Variants in TNRC6A observed in about 807,000 individuals in gnomAD.
TNRC6A encodes the protein trinucleotide repeat containing adaptor 6A, also known as trinucleotide repeat-containing gene 6A protein.
In TNRC6A, 44 loss-of-function variants were observed where a neutral mutation model predicts 221.2. The ratio of observed to expected loss-of-function variants is 0.20; its 90% CI spans 0.16 to 0.26. The LOEUF is 0.26. Among genes scored for constraint, TNRC6A ranks in the 10% least tolerant of loss-of-function variants. The pLI, the probability that TNRC6A is intolerant of heterozygous loss-of-function variation, is 1.00. For missense variants in TNRC6A, 2,199 were observed against 2,404.4 expected (o/e 0.91, Z 1.79); for synonymous variants, 847 against 838.5 (o/e 1.01, Z -0.18).
At chr16:24,626,961 T>G (rs1249984510) in intron 1 of TNRC6A, among the ~76,000 whole-genome samples, 1 of 151,762 alleles carries the variant, frequency 6.6e-6, no homozygotes, top group Non-Finnish European at 1.5e-5. Flanking sequence ...CTGTTTTTTT[T>G]TTTTTTTTTT....
At chr16:24,703,358 C>T (rs7185291) in intron 2 of TNRC6A, among the ~76,000 whole-genome samples, 103,638 of 152,002 alleles carry the variant, frequency 0.68, 35,790 homozygotes, top group East Asian at 0.89. Flanking sequence ...GCCAACCATG[C>T]CATAGCATGT....
At chr16:24,820,035 G>A in intron 21 of TNRC6A, 104 bp from the exon 22 acceptor site, 1 of 1,102,382 alleles carries the variant, frequency 9.1e-7, no homozygotes, top group East Asian at 2.4e-5. Context: ...AGTTTCTTTT[G>A]TTTGTTAGAT....
At chr16:24,668,186 G>A (rs549249909) in intron 2 of TNRC6A, among the ~76,000 whole-genome samples, 135 of 152,058 alleles carry the variant, frequency 8.9e-4, no homozygotes, top group African/African-American at 3.2e-3. Context: ...AAATTAGCCA[G>A]GCGTGGTGGC....
intron 2 of TNRC6A, among the ~76,000 whole-genome samples, chr16:24,737,151 A>C (rs1033649414): frequency 7.9e-5 from 12 of 152,182 alleles, no homozygotes; most frequent in African/African-American, 2.7e-4. Flanking sequence ...TGCCAAAATA[A>C]AATAATAAAA....
intron 4 of TNRC6A, among the ~76,000 whole-genome samples, chr16:24,771,757 G>A (rs1339922775): frequency 6.6e-6 from 1 of 152,014 alleles, no homozygotes; most frequent in Non-Finnish European, 1.5e-5. Flanking sequence ...TTCCTGGTGT[G>A]TTTTGGAGGG....
chr16:24,663,473 G>T (rs117302671), intron 2 of TNRC6A: 6,565 of 156,188 alleles, frequency 0.042, 313 homozygotes, highest in East Asian at 0.14. Context: ...GAAGAATCAC[G>T]TGAACCTGGG....
intron 2 of TNRC6A, among the ~76,000 whole-genome samples, chr16:24,675,535 G>T (rs902041556): frequency 9.9e-5 from 15 of 151,364 alleles, no homozygotes; most frequent in Admixed American, 3.3e-4. Flanking sequence ...CAAAAAATTA[G>T]CTGGGCATGG....
At chr16:24,736,425 C>T (rs955130769) in intron 2 of TNRC6A, among the ~76,000 whole-genome samples, 2 of 152,208 alleles carry the variant, frequency 1.3e-5, no homozygotes, top group South Asian at 4.1e-4. Flanking sequence ...CCAATTTTCT[C>T]AAAATTTTTT....
At chr16:24,768,536 T>A (rs540095944) in intron 4 of TNRC6A, among the ~76,000 whole-genome samples, 2 of 152,266 alleles carry the variant, frequency 1.3e-5, no homozygotes, top group African/African-American at 4.8e-5. Context: ...TGAAGAGCTG[T>A]CATTGGTACA....
intron 5 of TNRC6A, among the ~76,000 whole-genome samples, chr16:24,786,293 G>T (rs1242093445): frequency 2.0e-5 from 3 of 149,032 alleles, no homozygotes; most frequent in South Asian, 2.1e-4. Flanking sequence ...GTCCTTTTTT[G>T]TTTTTTTTTG....
intron 2 of TNRC6A, among the ~76,000 whole-genome samples, chr16:24,717,401 C>T (rs1462119296): frequency 1.3e-5 from 2 of 152,158 alleles, no homozygotes; most frequent in Non-Finnish European, 2.9e-5. Context: ...CAAAGGAGGA[C>T]AGCCTCTAAG....
chr16:24,797,365 A>T, intron 9 of TNRC6A, 125 bp from the exon 10 acceptor site: 1 of 639,260 alleles, frequency 1.6e-6, no homozygotes, highest in Non-Finnish European at 2.6e-6. Context: ...ATAAGAGTTG[A>T]TTGGAGGAGA....
intron 2 of TNRC6A, among the ~76,000 whole-genome samples, chr16:24,748,715 C>T: frequency 6.6e-6 from 1 of 152,092 alleles, no homozygotes; most frequent in East Asian, 1.9e-4. Context: ...AATCTCATTG[C>T]AGCGCACCTA....
chr16:24,623,926 A>T (rs1900819647), intron 1 of TNRC6A, among the ~76,000 whole-genome samples: 1 of 150,550 alleles, frequency 6.6e-6, no homozygotes, highest in African/African-American at 2.5e-5. Context: ...AAAAAAAAAA[A>T]AAAAGAATTT....
chr16:24,818,455 G>A (rs560407038), intron 20 of TNRC6A, 138 bp from the exon 21 acceptor site: 18 of 673,190 alleles, frequency 2.7e-5, no homozygotes, highest in South Asian at 2.1e-4. Flanking sequence ...AAGATGTCTC[G>A]GGCACCATCT....
intron 2 of TNRC6A, among the ~76,000 whole-genome samples, chr16:24,689,804 G>T (rs2055715068): frequency 2.6e-5 from 4 of 151,990 alleles, no homozygotes; most frequent in African/African-American, 7.2e-5. Context: ...AGGCTAAAAT[G>T]CAGTGGTGCA....
At chr16:24,640,379 G>A (rs1291400426) in intron 1 of TNRC6A, among the ~76,000 whole-genome samples, 2 of 145,020 alleles carry the variant, frequency 1.4e-5, no homozygotes, top group Non-Finnish European at 1.5e-5. Context: ...CAACCTGGGT[G>A]ACAAAGTAAA....
At chr16:24,702,801 T>A (rs1055209797) in intron 2 of TNRC6A, among the ~76,000 whole-genome samples, 5 of 152,032 alleles carry the variant, frequency 3.3e-5, no homozygotes, top group South Asian at 2.1e-4. Flanking sequence ...TTTGGGAGGC[T>A]GAGGCAGGCA....
intron 2 of TNRC6A, among the ~76,000 whole-genome samples, chr16:24,679,470 ATTTTGTTTT>A (rs990356904): frequency 6.6e-6 from 1 of 151,480 alleles, no homozygotes; most frequent in East Asian, 2.0e-4. Context: ...TACCTGACTA[ATTTTGTTTT>A]TTTTGTTTTT....
Sources: allele counts gnomAD v4.1 joint callset (sites outside exome capture counted in the v4.1 genomes callset), GRCh38; gene constraint gnomAD v4.1.1; transcripts MANE v1.5; gene names NCBI Gene and HGNC (gene_info 2026-07-23, HGNC 2026-07-21).